BNC2: variants seen among roughly 807,000 people sequenced by gnomAD.
BNC2 encodes the protein basonuclin zinc finger protein 2, also known as zinc finger protein basonuclin-2.
Under a neutral mutation model 76.3 loss-of-function variants are expected in BNC2, and 20 were observed. That is an observed-to-expected ratio of 0.26 (90% CI 0.18 to 0.38). The LOEUF (loss-of-function observed/expected upper bound fraction) is 0.38, where lower values mean the gene tolerates loss of function less well. Ranked by LOEUF, BNC2 falls within the 10% of genes least tolerant of loss-of-function variation. The probability of loss-of-function intolerance (pLI) is 1.00; values close to 1 mark genes in which losing one functional copy is unlikely to be tolerated. For synonymous variants in BNC2, 582 were observed against 514.8 expected, an observed-to-expected ratio of 1.13 and a Z score of -1.77; for missense variants, 1,382 against 1,399.8, an observed-to-expected ratio of 0.99 and a Z score of 0.20.
chr9:16,597,445 A>G (rs1471370186), intron 3 of BNC2, among the ~76,000 whole-genome samples: 1 of 152,162 alleles, frequency 6.6e-6, no homozygotes, highest in Non-Finnish European at 1.5e-5. Context: ...TAATGGGGAG[A>G]GTACAAACCC....
At position 16,727,765 on chromosome 9, in the gene BNC2, G is replaced by GA. The variant is rs201607578; in HGVS notation, c.330+31dup. 5,556 of 1,485,372 alleles carry GA rather than the reference G, an allele frequency of 3.7e-3. 15 individuals carry two copies. The highest frequency in any genetic ancestry group is 0.015 in the African/African-American group (1,074 of 70,380). 92.0% of individuals were successfully genotyped at this position (1,485,372 alleles called of 1,614,324 possible). A position where few individuals can be genotyped will look rare whatever the true frequency, so the allele number is the denominator to read the frequency against. On this transcript the variant is annotated intron_variant, in intron 3 of 6. Coordinates refer to ENST00000380672, the MANE Select transcript of BNC2 (RefSeq NM_017637.6). ...ACAATTCAAGGTTTCTTAAAAAAAA[G>GA]AAAAAAAAAATCAAGAAAGAAAGTA...
intron 5 of BNC2, among the ~76,000 whole-genome samples, chr9:16,536,443 T>C (rs1177356792): frequency 6.6e-6 from 1 of 152,214 alleles, no homozygotes; most frequent in Non-Finnish European, 1.5e-5. Flanking sequence ...CTGAGGTATG[T>C]GAGTTTTTAT....
intron 5 of BNC2, among the ~76,000 whole-genome samples, chr9:16,497,600 C>A (rs1034384081): frequency 3.3e-5 from 5 of 151,968 alleles, no homozygotes; most frequent in Non-Finnish European, 5.9e-5. Flanking sequence ...TATAAATAAA[C>A]AAATAGGTAA....
chr9:16,559,746 A>G (rs907014882), intron 4 of BNC2, among the ~76,000 whole-genome samples: 2 of 152,186 alleles, frequency 1.3e-5, no homozygotes, highest in Non-Finnish European at 2.9e-5. Context: ...AGCTGACCTT[A>G]TTGATCACCA....
chr9:16,663,055 T>C (rs1822156318), intron 3 of BNC2, among the ~76,000 whole-genome samples: 1 of 150,282 alleles, frequency 6.7e-6, no homozygotes, highest in Non-Finnish European at 1.5e-5. Context: ...AGTGATTTCA[T>C]CAATAACATC....
chr9:16,535,440 A>G (rs1470341258), intron 5 of BNC2, among the ~76,000 whole-genome samples: 1 of 152,108 alleles, frequency 6.6e-6, no homozygotes, highest in Admixed American at 6.5e-5. Flanking sequence ...ATTCCCATAT[A>G]CCCAATCTTG....
chr9:16,794,614 A>G (rs1462099097), intron 1 of BNC2, among the ~76,000 whole-genome samples: 2 of 152,208 alleles, frequency 1.3e-5, no homozygotes, highest in African/African-American at 4.8e-5. Flanking sequence ...CTCCACCATT[A>G]GACAAACAAA....
chr9:16,850,371 T>C (rs1383300597), intron 1 of BNC2, among the ~76,000 whole-genome samples: 2 of 152,222 alleles, frequency 1.3e-5, no homozygotes, highest in Admixed American at 6.5e-5. Context: ...CCAATTCTTA[T>C]ATAGTGAAAT....
chr9:16,673,044 T>G lies in BNC2; in HGVS notation c.330+54753A>C, dbSNP rs576947843. Among the ~76,000 whole-genome samples, 95 of 151,148 alleles carry G rather than the reference T, an allele frequency of 6.3e-4. 1 individual carries two copies. The highest frequency in any genetic ancestry group is 2.5e-3 in the South Asian group (12 of 4,774). ...GAATCCCTGTTTAGTTTTGGGGGGGTTTTTTATTTTGTTTTGTCTTAGTGT... is the reference window on the plus strand; with the variant it reads ...GAATCCCTGTTTAGTTTTGGGGGGGGTTTTTATTTTGTTTTGTCTTAGTGT... On this transcript the variant is annotated intron_variant, in intron 3 of 6. Coordinates refer to ENST00000380672, the MANE Select transcript of BNC2 (RefSeq NM_017637.6).
chr9:16,770,650 G>T (rs954888574), intron 1 of BNC2, among the ~76,000 whole-genome samples: 10 of 45,028 alleles, frequency 2.2e-4, no homozygotes, highest in South Asian at 2.0e-3. Context: ...AGTCATTCAA[G>T]AATTTTTTTT....
At chr9:16,779,885 T>G (rs1826076747) in intron 1 of BNC2, among the ~76,000 whole-genome samples, 2 of 152,132 alleles carry the variant, frequency 1.3e-5, no homozygotes, top group South Asian at 4.1e-4. Context: ...GTTTCTTTTC[T>G]GAGGTAATAA....
At chr9:16,707,833 G>C (rs899214776) in intron 3 of BNC2, among the ~76,000 whole-genome samples, 2 of 152,044 alleles carry the variant, frequency 1.3e-5, no homozygotes, top group Non-Finnish European at 2.9e-5. Context: ...GGAGAGACAC[G>C]GTTTCACTAT....
chr9:16,610,461 A>G (rs1463539290), intron 3 of BNC2, among the ~76,000 whole-genome samples: 1 of 152,200 alleles, frequency 6.6e-6, no homozygotes, highest in Non-Finnish European at 1.5e-5. Flanking sequence ...TGAAGGAATG[A>G]TAAACTGACA....
chr9:16,647,547 T>G (rs1161457079), intron 3 of BNC2, among the ~76,000 whole-genome samples: 2 of 152,048 alleles, frequency 1.3e-5, no homozygotes, highest in African/African-American at 4.8e-5. Flanking sequence ...ATTTTTCCCC[T>G]AGGGTGACGC....
At chr9:16,631,354 C>T (rs535315332) in intron 3 of BNC2, among the ~76,000 whole-genome samples, 1 of 152,308 alleles carries the variant, frequency 6.6e-6, no homozygotes, top group Non-Finnish European at 1.5e-5. Context: ...CACCGAATCA[C>T]CATTACTTAA....
chr9:16,768,041 C>T (rs1296559929), intron 1 of BNC2, among the ~76,000 whole-genome samples: 1 of 150,882 alleles, frequency 6.6e-6, no homozygotes, highest in Admixed American at 6.6e-5. Flanking sequence ...TCTTGGCTCA[C>T]TGCAACCTCC....
chr9:16,569,108 G>GT (rs560869216), intron 4 of BNC2, among the ~76,000 whole-genome samples: 314 of 143,384 alleles, frequency 2.2e-3, no homozygotes, highest in Non-Finnish European at 2.4e-3. Context: ...TGTACAAAGG[G>GT]TTTTTTTTTT....
chr9:16,480,560 G>A (rs1822027031), intron 5 of BNC2, among the ~76,000 whole-genome samples: 2 of 152,212 alleles, frequency 1.3e-5, no homozygotes, highest in African/African-American at 4.8e-5. Context: ...CGGGCCAGCT[G>A]GAGTTCCGGG....
At chr9:16,821,923 C>T (rs1198401555) in intron 1 of BNC2, among the ~76,000 whole-genome samples, 1 of 151,902 alleles carries the variant, frequency 6.6e-6, no homozygotes, top group Non-Finnish European at 1.5e-5. Context: ...GAAACCCTGT[C>T]TCTACTAAAA....
Sources: gnomAD v4.1 joint callset for allele counts (sites outside exome capture counted in the v4.1 genomes callset) on GRCh38, gnomAD v4.1.1 for gene constraint, MANE v1.5 for transcripts, NCBI Gene and HGNC (gene_info 2026-07-23, HGNC 2026-07-21) for gene names.